Variants in LAMA2 observed in about 807,000 individuals in gnomAD.
The protein encoded by LAMA2 is laminin subunit alpha 2.
Under a neutral mutation model 364.8 loss-of-function variants are expected in LAMA2, and 269 were observed. That is an observed-to-expected ratio of 0.74 (90% CI 0.67 to 0.82). The LOEUF (loss-of-function observed/expected upper bound fraction) is 0.82. Among genes scored for constraint, LAMA2 ranks in the 40% least tolerant of loss-of-function variants. The pLI is 0.00. For missense variants in LAMA2, 3,807 were observed against 3,873.2 expected, an observed-to-expected ratio of 0.98 and a Z score of 0.45; for synonymous variants, 1,379 against 1,370.6, an observed-to-expected ratio of 1.01 and a Z score of -0.14.
intron 1 of LAMA2, among the ~76,000 whole-genome samples, chr6:129,028,953 G>A (rs1016811196): frequency 6.6e-6 from 1 of 151,870 alleles, no homozygotes; most frequent in South Asian, 2.1e-4. Flanking sequence ...TGGCTGTCTT[G>A]ACATGCCCAA....
intron 40 of LAMA2, among the ~76,000 whole-genome samples, chr6:129,408,221 A>G (rs1297133423): frequency 6.6e-6 from 1 of 152,154 alleles, no homozygotes; most frequent in Non-Finnish European, 1.5e-5. Context: ...AAACAGTACC[A>G]TATTTTGGAC....
In LAMA2 at chr6:129,183,651, C is replaced by T. The variant is rs187872825; in HGVS notation, c.1467+5785C>T. Among the ~76,000 whole-genome samples the T allele has an allele frequency of 4.6e-5, 7 of 152,090 alleles. No homozygotes were observed. The East Asian group carries it at 1.4e-3, about 29-fold the overall frequency. On this transcript the variant is annotated intron_variant, in intron 10 of 64. Coordinates refer to ENST00000421865, the MANE Select transcript of LAMA2 (RefSeq NM_000426.4). Reference sequence around the variant, plus strand: ...TTCTTGGGATACCTCATTTCTAGCCCTATTCCTTTGCTTAGCCAGGCATTT... The same window carrying T: ...TTCTTGGGATACCTCATTTCTAGCCTTATTCCTTTGCTTAGCCAGGCATTT...
At chr6:129,420,080 C>T (rs893490908) in intron 40 of LAMA2, among the ~76,000 whole-genome samples, 4 of 151,934 alleles carry the variant, frequency 2.6e-5, no homozygotes, top group Non-Finnish European at 4.4e-5. Context: ...AATGTGCATA[C>T]GAGTAATTAC....
chr6:129,297,857 G>T lies in LAMA2; in HGVS notation c.3029G>T (p.Gly1010Val), dbSNP rs1445772156. The T allele has an allele frequency of 6.2e-7, 1 of 1,613,498 alleles. No homozygotes were observed. The highest frequency in any genetic ancestry group is 8.5e-7 in the Non-Finnish European group (1 of 1,179,760). ...AHGYFNFQEG[G>V]CTACECSHLG... ...GGCTATTTCAACTTCCAAGAAGGAGGCTGCACAGGTCTGTAAATATGACTT... is the reference window on the plus strand; with the variant it reads ...GGCTATTTCAACTTCCAAGAAGGAGTCTGCACAGGTCTGTAAATATGACTT... The change falls in exon 21 of 65, where the codon GGC (glycine) becomes GTC (valine). Residue 1010 changes from glycine (G) to valine (V), a missense_variant. By Grantham distance (109) the Gly-to-Val change is moderately radical. Coordinates refer to ENST00000421865, the MANE Select transcript of LAMA2 (RefSeq NM_000426.4).
At chr6:129,449,799 CTTTT>C (rs567411928) in intron 45 of LAMA2, among the ~76,000 whole-genome samples, 1 of 123,178 alleles carries the variant, frequency 8.1e-6, no homozygotes, top group South Asian at 2.6e-4. Flanking sequence ...GTCTGCTACA[CTTTT>C]TTTTTTTTTT....
At chr6:129,047,518 G>A (rs1787605549) in intron 1 of LAMA2, among the ~76,000 whole-genome samples, 1 of 152,208 alleles carries the variant, frequency 6.6e-6, no homozygotes, top group East Asian at 1.9e-4. Flanking sequence ...GAGAGTTGGG[G>A]GTCACTATTT....
intron 40 of LAMA2, among the ~76,000 whole-genome samples, chr6:129,410,124 TA>T (rs1220228483): frequency 6.6e-6 from 1 of 152,100 alleles, no homozygotes; most frequent in Non-Finnish European, 1.5e-5. Flanking sequence ...ACAAATAAAA[TA>T]AGACTAATGC....
At chr6:129,217,473 C>T (rs113663959) in intron 12 of LAMA2, among the ~76,000 whole-genome samples, 102 of 152,148 alleles carry the variant, frequency 6.7e-4, no homozygotes, top group Non-Finnish European at 1.3e-3. Context: ...TCAGTGTCAA[C>T]AGGCTACCTT....
At chr6:129,007,736 C>T (rs1784524581) in intron 1 of LAMA2, among the ~76,000 whole-genome samples, 1 of 152,146 alleles carries the variant, frequency 6.6e-6, no homozygotes, top group Admixed American at 6.5e-5. Flanking sequence ...ATCCTTCTTA[C>T]TCCATTTTAG....
intron 4 of LAMA2, among the ~76,000 whole-genome samples, chr6:129,120,448 A>G (rs548225783): frequency 6.6e-6 from 1 of 152,330 alleles, no homozygotes; most frequent in Non-Finnish European, 1.5e-5. Context: ...TTGAGCTTAC[A>G]GGGTTTTATC....
chr6:129,264,378 G>T (rs1006624775), intron 15 of LAMA2, among the ~76,000 whole-genome samples: 2 of 151,728 alleles, frequency 1.3e-5, no homozygotes, highest in Non-Finnish European at 1.5e-5. Context: ...GGAATAGTTG[G>T]TGTGTGTGGG....
At chr6:129,196,268 G>C (rs1003842207) in intron 12 of LAMA2, among the ~76,000 whole-genome samples, 2 of 152,048 alleles carry the variant, frequency 1.3e-5, no homozygotes. Context: ...CTTTTGTTTT[G>C]TTGTTCTTGC....
intron 1 of LAMA2, among the ~76,000 whole-genome samples, chr6:129,006,730 T>C (rs1784459780): frequency 6.6e-6 from 1 of 152,154 alleles, no homozygotes; most frequent in Admixed American, 6.5e-5. Context: ...TCGTGTCCAG[T>C]ATAAAATCGT....
At chr6:129,240,165 G>C (rs996403814) in intron 12 of LAMA2, among the ~76,000 whole-genome samples, 3 of 152,188 alleles carry the variant, frequency 2.0e-5, no homozygotes, top group African/African-American at 4.8e-5. Context: ...AGAAGACTGC[G>C]CAATTCTAGA....
intron 29 of LAMA2, among the ~76,000 whole-genome samples, chr6:129,332,542 A>G (rs1483726416): frequency 6.6e-6 from 1 of 152,150 alleles, no homozygotes; most frequent in Admixed American, 6.5e-5. Context: ...AATTACTGGA[A>G]TTTTGATTGT....
intron 9 of LAMA2, among the ~76,000 whole-genome samples, chr6:129,170,861 T>G (rs1780098761): frequency 6.7e-6 from 1 of 149,226 alleles, no homozygotes; most frequent in Non-Finnish European, 1.5e-5. Context: ...GGTGCTCCTG[T>G]ATTGGGTGCA....
chr6:129,453,114 C>A lies in LAMA2; in HGVS notation c.6556C>A (p.Leu2186Ile). 1 of 1,612,768 alleles carries A rather than the reference C, an allele frequency of 6.2e-7. No homozygotes were observed. The highest frequency in any genetic ancestry group is 1.1e-5 in the South Asian group (1 of 91,044). ...TAVADNLLFY[L>I]GSAKFIDFLA... ...TGTTGCTGATAACCTCCTCTTTTATCTTGGAAGTGCCAAATTTGTAAGTCT... is the reference window on the plus strand; with the variant it reads ...TGTTGCTGATAACCTCCTCTTTTATATTGGAAGTGCCAAATTTGTAAGTCT... Residue 2186 changes from leucine to isoleucine, a missense_variant, in exon 46 of 65, where the codon CTT becomes ATT. Physicochemically the swap from Leu to Ile is conservative, Grantham distance 5. This residue lies in a region of LAMA2 where 3,333 missense variants were observed against 3,345.7 expected (regional missense o/e 1.00). Coordinates refer to ENST00000421865, the MANE Select transcript of LAMA2 (RefSeq NM_000426.4).
intron 1 of LAMA2, among the ~76,000 whole-genome samples, chr6:128,982,271 C>G (rs1289687364): frequency 1.3e-5 from 2 of 152,292 alleles, no homozygotes; most frequent in East Asian, 3.9e-4. Context: ...CAAACACCAA[C>G]ACAGGTTTGT....
At chr6:129,486,679 C>T (rs1025279862) in intron 56 of LAMA2, 57 bp downstream of exon 56, 9 of 1,497,204 alleles carry the variant, frequency 6.0e-6, no homozygotes, top group South Asian at 4.5e-5. Flanking sequence ...CCTTTGCTAG[C>T]ATCGGTATCT....
Sources: allele counts gnomAD v4.1 joint callset (sites outside exome capture counted in the v4.1 genomes callset), GRCh38; gene constraint gnomAD v4.1.1; regional missense constraint gnomAD v4.1.1; transcripts MANE v1.5; gene names NCBI Gene and HGNC (gene_info 2026-07-23, HGNC 2026-07-21).